Variants in PHYKPL observed in about 807,000 individuals in gnomAD.
PHYKPL encodes 5-phosphonooxy-L-lysine phospho-lyase.
PHYKPL carries 42 observed loss-of-function variants against 51.3 expected under a neutral mutation model. The ratio of observed to expected loss-of-function variants is 0.82; its 90% CI spans 0.64 to 1.06. The LOEUF is 1.06. PHYKPL is among the 50% of genes least tolerant of loss of function. The probability of loss-of-function intolerance (pLI) is 0.00; values close to 1 mark genes in which losing one functional copy is unlikely to be tolerated. For synonymous variants in PHYKPL, 264 were observed against 236.0 expected (o/e 1.12, Z -1.09); for missense variants, 655 against 586.6 (o/e 1.12, Z -1.20).
At chr5:178,228,412 G>A in intron 3 of PHYKPL, 2 of 638,330 alleles carry the variant, frequency 3.1e-6, no homozygotes, top group East Asian at 5.4e-5. Context: ...AGATTGCTTT[G>A]GATTTGGCAA....
chr5:178,230,171 A>T (rs62388741), intron 2 of PHYKPL, 72 bp from the exon 3 acceptor site: 7 of 1,584,022 alleles, frequency 4.4e-6, no homozygotes, highest in South Asian at 1.1e-5. Context: ...CCCAGCCCCA[A>T]GCTATAAACC....
At chr5:178,215,170 T>A in intron 9 of PHYKPL, 106 bp downstream of exon 9, 1 of 1,552,652 alleles carries the variant, frequency 6.4e-7, no homozygotes, top group Non-Finnish European at 8.8e-7. Flanking sequence ...CAGTTCCTCT[T>A]GAGAGCGGAC....
In PHYKPL at chr5:178,214,679, C is replaced by A. The variant is rs566177582; in HGVS notation, c.1172+117G>T. 575 of 908,260 alleles carry A rather than the reference C, an allele frequency of 6.3e-4. 1 individual carries two copies. The highest frequency in any genetic ancestry group is 9.4e-4 in the Non-Finnish European group (540 of 577,450). The allele number at this position is 908,260 out of a possible 1,614,324, so 56.3% of individuals were successfully genotyped here. A position where few individuals can be genotyped will look rare whatever the true frequency, so the allele number is the denominator to read the frequency against. On this transcript the variant is annotated intron_variant, in intron 10 of 12. Coordinates refer to ENST00000308158, the MANE Select transcript of PHYKPL (RefSeq NM_153373.4). ...CCGCCAGCCCCAGCCCTCTTTCAAT[C>A]AAGTCTGTGGCCCAGAGTGCTGGGG...
chr5:178,211,705 C>A (rs561146656), intron 12 of PHYKPL, 185 bp downstream of exon 12: 6 of 589,228 alleles, frequency 1.0e-5, no homozygotes, highest in Non-Finnish European at 1.8e-5. Flanking sequence ...TATAGCTGTT[C>A]CTGCCATCAA....
At chr5:178,214,766 AG>A in intron 10 of PHYKPL, 29 bp downstream of exon 10, 1 of 1,608,784 alleles carries the variant, frequency 6.2e-7, no homozygotes, top group Non-Finnish European at 8.5e-7. Context: ...CTCCTACTCC[AG>A]GAAGCAACTT....
At chr5:178,223,467 C>T (rs753939731) in intron 6 of PHYKPL, 4 of 456,242 alleles carry the variant, frequency 8.8e-6, no homozygotes, top group South Asian at 4.6e-5. Flanking sequence ...GTTTAAAACC[C>T]CTCAGTGACC....
At chr5:178,210,606 A>G in intron 12 of PHYKPL, 1 of 1,614,064 alleles carries the variant, frequency 6.2e-7, no homozygotes, top group Non-Finnish European at 8.5e-7. Flanking sequence ...CCATCAGAAT[A>G]ACTACAAGCC....
intron 12 of PHYKPL, chr5:178,210,815 G>T: frequency 1.6e-6 from 1 of 607,178 alleles, no homozygotes; most frequent in African/African-American, 1.8e-5. Flanking sequence ...GGCAGCGTGT[G>T]GTGTCTGAGA....
intron 3 of PHYKPL, 184 bp downstream of exon 3, chr5:178,229,756 C>T (rs1163527937): frequency 1.6e-6 from 1 of 632,268 alleles, no homozygotes; most frequent in Non-Finnish European, 2.6e-6. Context: ...CAATAAGAGA[C>T]AAGGAAACTG....
intron 6 of PHYKPL, chr5:178,224,187 C>T (rs1761792222): frequency 2.3e-6 from 1 of 439,578 alleles, no homozygotes. Flanking sequence ...GTGGCTGACC[C>T]CTACTGTGTC....
intron 6 of PHYKPL, chr5:178,223,509 T>C (rs887896665): frequency 8.8e-6 from 4 of 456,044 alleles, no homozygotes; most frequent in Admixed American, 4.7e-5. Flanking sequence ...TTCCCAACCA[T>C]ATTCTGCCTT....
chr5:178,215,226 C>T, intron 9 of PHYKPL, 50 bp downstream of exon 9: 2 of 1,611,740 alleles, frequency 1.2e-6, no homozygotes, highest in Non-Finnish European at 1.7e-6. Flanking sequence ...AAAATGGTAC[C>T]ACACTGGGCC....
At chr5:178,232,358 G>GGT in intron 1 of PHYKPL, 134 bp downstream of exon 1, 1 of 1,290,180 alleles carries the variant, frequency 7.8e-7, no homozygotes, top group Non-Finnish European at 9.8e-7. Context: ...GGCCGGGGCA[G>GGT]CGGCCGGACG....
At chr5:178,225,062 C>T in intron 4 of PHYKPL, 1 of 564,684 alleles carries the variant, frequency 1.8e-6, no homozygotes, top group Non-Finnish European at 3.2e-6. Flanking sequence ...ATCACATACT[C>T]AATTCATGGG....
intron 8 of PHYKPL, 53 bp downstream of exon 8, chr5:178,222,302 C>T (rs977714710): frequency 6.7e-7 from 1 of 1,494,316 alleles, no homozygotes; most frequent in African/African-American, 1.4e-5. Flanking sequence ...AGGCTGATCA[C>T]CGGGGGCCTA....
chr5:178,229,753 A>T, intron 3 of PHYKPL, 187 bp downstream of exon 3: 1 of 611,894 alleles, frequency 1.6e-6, no homozygotes. Context: ...CTTCAATAAG[A>T]GACAAGGAAA....
At chr5:178,225,018 A>C in intron 4 of PHYKPL, 1 of 561,684 alleles carries the variant, frequency 1.8e-6, no homozygotes. Context: ...TGAATCTTAA[A>C]TGTGTTGATA....
intron 12 of PHYKPL, chr5:178,210,505 G>A: frequency 1.3e-6 from 2 of 1,579,970 alleles, no homozygotes; most frequent in Non-Finnish European, 8.7e-7. Flanking sequence ...GCGTGGCACA[G>A]GGCAAATGCT....
intron 12 of PHYKPL, chr5:178,211,080 G>GGTATTTTACACGTGTC: frequency 5.8e-6 from 1 of 172,456 alleles, no homozygotes; most frequent in Middle Eastern, 2.8e-3. Context: ...TGTATTGTAA[G>GGTATTTTACACGTGTC]GTATTTTACA....
Sources: gnomAD v4.1 joint callset for allele counts on GRCh38, gnomAD v4.1.1 for gene constraint, MANE v1.5 for transcripts, NCBI Gene and HGNC (gene_info 2026-07-23, HGNC 2026-07-21) for gene names.